Variants in C10orf143 observed in about 807,000 individuals in gnomAD.
C10orf143 encodes uncharacterized protein C10orf143.
chr10:130,107,112 G>A (rs529158313), intron 1 of C10orf143: 155 of 1,600,530 alleles, frequency 9.7e-5, no homozygotes, highest in Admixed American at 2.2e-4. Context: ...AAAAATCTTC[G>A]GACTGAACAA....
intron 1 of C10orf143, among the ~76,000 whole-genome samples, chr10:130,100,789 A>G (rs1047812149): frequency 6.6e-6 from 1 of 152,214 alleles, no homozygotes; most frequent in African/African-American, 2.4e-5. Context: ...ATCAAAAATC[A>G]AACACAGAAA....
chr10:130,055,967 A>G (rs1468846534), intron 3 of C10orf143, among the ~76,000 whole-genome samples: 2 of 149,410 alleles, frequency 1.3e-5, no homozygotes, highest in East Asian at 3.9e-4. Context: ...AAAAAAAAAA[A>G]AAAAAAAAAA....
chr10:130,110,529 A>AACAGGCCACGCCCATC (rs1337209998), intron 1 of C10orf143, among the ~76,000 whole-genome samples, 175 bp downstream of exon 1: 1 of 152,066 alleles, frequency 6.6e-6, no homozygotes, highest in Non-Finnish European at 1.5e-5. Context: ...ACCCCGCCCT[A>AACAGGCCACGCCCATC]ACAGGCCACG....
chr10:130,058,337 G>A (rs921720459), intron 3 of C10orf143, among the ~76,000 whole-genome samples: 4 of 152,040 alleles, frequency 2.6e-5, no homozygotes, highest in Non-Finnish European at 4.4e-5. Context: ...GCCTCCTTGG[G>A]CCTCTCCTCT....
chr10:130,036,958 G>A lies in C10orf143; in HGVS notation c.298-988C>T, dbSNP rs1348954921. Among the ~76,000 whole-genome samples, 4 of 152,186 alleles carry A rather than the reference G, an allele frequency of 2.6e-5. No homozygotes were observed. The East Asian group carries it at 7.7e-4, about 29-fold the overall frequency. On this transcript the variant is annotated intron_variant and NMD_transcript_variant, in intron 3 of 5. Coordinates refer to the C10orf143 transcript ENST00000643056. ...CTGTACCAGCAGGTACAGGCACAGA[G>A]GGAGGCGTGGACCCTGCAGCAACTG...
At chr10:130,093,137 A>C (rs1861408571) in intron 1 of C10orf143, among the ~76,000 whole-genome samples, 1 of 152,218 alleles carries the variant, frequency 6.6e-6, no homozygotes, top group Non-Finnish European at 1.5e-5. Flanking sequence ...ACCACATTGC[A>C]CTTATTCTAA....
chr10:130,039,330 G>A (rs140141764), intron 3 of C10orf143, among the ~76,000 whole-genome samples: 2 of 152,260 alleles, frequency 1.3e-5, no homozygotes, highest in South Asian at 2.1e-4. Context: ...CACCGGTGGT[G>A]CTTTCCAGTC....
rs1861753352 is a variant in C10orf143, at chr10:130,110,707, G to A, written c.66C>T (p.Asp22=). Reference sequence around the variant, plus strand: ...CGCCCAGGCCCCGGGGGCTCACCACGTCCCCCGGAACCTGCAGATCCTCCG... The same window carrying A: ...CGCCCAGGCCCCGGGGGCTCACCACATCCCCCGGAACCTGCAGATCCTCCG... ...RRAEDLQVPG[D]VKRVCRRLEA... Residue 22 remains aspartate (D), a synonymous_variant, in exon 1 of 4, where the codon GAC becomes GAT. Coordinates refer to ENST00000637128, the MANE Select transcript of C10orf143 (RefSeq NM_001355042.2). 1.3e-5 allele frequency: 5 copies of A among 398,672 alleles called. No individual in the cohort carries two copies. Among genetic ancestry groups the A allele is most frequent in the Non-Finnish European group, 2.2e-5 (5 of 226,014 alleles). The allele number at this position is 398,672 out of a possible 1,614,324, so 24.7% of individuals were successfully genotyped here.
chr10:130,057,586 GT>G (rs1359612044), intron 3 of C10orf143, among the ~76,000 whole-genome samples: 2 of 152,238 alleles, frequency 1.3e-5, no homozygotes, highest in African/African-American at 2.4e-5. Flanking sequence ...GAGGCAGTGG[GT>G]AGAGAAGATG....
intron 3 of C10orf143, among the ~76,000 whole-genome samples, chr10:130,057,753 G>A (rs992851962): frequency 2.6e-5 from 4 of 152,200 alleles, no homozygotes; most frequent in East Asian, 1.9e-4. Context: ...GCAAGAGCAC[G>A]CGGTAAAAGT....
At chr10:130,099,661 T>C (rs1049448567) in intron 1 of C10orf143, among the ~76,000 whole-genome samples, 5 of 151,672 alleles carry the variant, frequency 3.3e-5, no homozygotes, top group Non-Finnish European at 7.4e-5. Context: ...CTCAGCCTCC[T>C]GCATAGCTGG....
chr10:130,058,136 G>A (rs1419054680), intron 3 of C10orf143, among the ~76,000 whole-genome samples: 1 of 152,314 alleles, frequency 6.6e-6, no homozygotes, highest in East Asian at 1.9e-4. Context: ...GGCATCTCCT[G>A]GGAGCTTATT....
chr10:130,079,226 C>T (rs571691138), intron 3 of C10orf143, among the ~76,000 whole-genome samples: 145 of 152,300 alleles, frequency 9.5e-4, no homozygotes, highest in Non-Finnish European at 1.9e-3. Flanking sequence ...ATGTTGATTG[C>T]TATTTGGAAA....
At chr10:130,055,383 A>T (rs1169572345) in intron 3 of C10orf143, among the ~76,000 whole-genome samples, 1 of 152,218 alleles carries the variant, frequency 6.6e-6, no homozygotes, top group Non-Finnish European at 1.5e-5. Flanking sequence ...ACCAAAATAT[A>T]TAAGGAATTC....
rs530433485 is a variant in C10orf143 at position 130,085,634 on chromosome 10, A to G, written c.70-5733T>C. 2.9e-4 allele frequency among the ~76,000 whole-genome samples: 44 copies of G among 152,340 alleles called. No homozygotes were observed. The South Asian group carries it at 9.1e-3, about 32-fold the overall frequency. On this transcript the variant is annotated intron_variant, in intron 1 of 3. Transcript: ENST00000637128. ...GTAAAATGGAATAAGGTCTATAGTT[A>G]ACAGTACTACACCAACATTAATTTC...
chr10:130,071,915 C>T (rs564552506), intron 3 of C10orf143, among the ~76,000 whole-genome samples: 14 of 152,294 alleles, frequency 9.2e-5, no homozygotes, highest in South Asian at 8.3e-4. Flanking sequence ...TGAGCCACCG[C>T]GCCTGGCCGT....
chr10:130,040,174 A>G (rs1436793972), intron 3 of C10orf143, among the ~76,000 whole-genome samples: 1 of 152,114 alleles, frequency 6.6e-6, no homozygotes, highest in Non-Finnish European at 1.5e-5. Context: ...AGCAGCCAGC[A>G]TCAGTAGGCC....
At chr10:130,107,880 A>G in intron 1 of C10orf143, 1 of 1,278,624 alleles carries the variant, frequency 7.8e-7, no homozygotes, top group Non-Finnish European at 1.1e-6. Flanking sequence ...GCGCAATCAT[A>G]TCTTGATTCA....
Position 130,107,688 on chromosome 10 carries a change from T to G in C10orf143, c.69+3016A>C, listed in dbSNP as rs770016060. ...GAGGGTCCACTCAGACTCTCACCTTTGCCTCCAGGGGGGGAAGGAAGAGGC... is the reference window on the plus strand; with the variant it reads ...GAGGGTCCACTCAGACTCTCACCTTGGCCTCCAGGGGGGGAAGGAAGAGGC... On this transcript the variant is annotated intron_variant, in intron 1 of 3. Transcript: ENST00000637128. 36 of 1,281,850 alleles carry G rather than the reference T, an allele frequency of 2.8e-5. 1 individual carries two copies. In the South Asian group the frequency reaches 4.3e-4, roughly 15 times the overall value. The allele number at this position is 1,281,850 out of a possible 1,614,324, so 79.4% of individuals were successfully genotyped here.
Sources: allele counts gnomAD v4.1 joint callset (sites outside exome capture counted in the v4.1 genomes callset), GRCh38; gene constraint gnomAD v4.1.1; transcripts MANE v1.5; gene names NCBI Gene and HGNC (gene_info 2026-07-23, HGNC 2026-07-21).